ELMO1: variants seen among roughly 807,000 people sequenced by gnomAD.
The protein encoded by ELMO1 is engulfment and cell motility 1, also known as engulfment and cell motility protein 1.
A neutral mutation model predicts 98.9 loss-of-function variants in ELMO1; 26 were observed. The observed-to-expected ratio is 0.26, with a 90% confidence interval of 0.19 to 0.36. ELMO1 has a LOEUF of 0.36. Among genes scored for constraint, ELMO1 ranks in the 10% least tolerant of loss-of-function variants. ELMO1 has a pLI of 1.00. For missense variants in ELMO1, 627 were observed against 935.2 expected (o/e 0.67, Z 4.30); for synonymous variants, 346 against 346.0 (o/e 1.00, Z 0.00).
chr7:37,404,973 T>C (rs1257667460), intron 1 of ELMO1, among the ~76,000 whole-genome samples: 1 of 152,208 alleles, frequency 6.6e-6, no homozygotes, highest in Non-Finnish European at 1.5e-5. Flanking sequence ...GGAGTCCTCA[T>C]TGTAACTATG....
chr7:37,297,899 T>A (rs1798124785), intron 4 of ELMO1, among the ~76,000 whole-genome samples: 1 of 152,218 alleles, frequency 6.6e-6, no homozygotes, highest in Non-Finnish European at 1.5e-5. Flanking sequence ...TGTGTATATT[T>A]TACACACTTG....
chr7:37,065,282 G>A (rs1796896306), intron 15 of ELMO1, among the ~76,000 whole-genome samples: 1 of 151,680 alleles, frequency 6.6e-6, no homozygotes, highest in Non-Finnish European at 1.5e-5. Flanking sequence ...TCAAGTAGCT[G>A]GGATTATAGG....
chr7:36,870,389 A>G lies in ELMO1; in HGVS notation c.1905+4T>C. On this transcript the variant is annotated splice_donor_region_variant and intron_variant, in intron 20 of 21. Transcript: ENST00000310758. This position sits in a 1 kb window ranked among gnomAD's most constrained non-coding sequence, Gnocchi z 4.4. ...AGCTATTTGCAATAATTTGGAAATC[A>G]TACCTTGTTTTGTTTAAGGGCACCT... 1 of 1,614,036 alleles carries G rather than the reference A, an allele frequency of 6.2e-7. No homozygotes were observed. Among genetic ancestry groups the G allele is most frequent in the Non-Finnish European group, 8.5e-7 (1 of 1,179,964 alleles).
intron 4 of ELMO1, among the ~76,000 whole-genome samples, chr7:37,311,644 G>A (rs878927587): frequency 2.6e-5 from 4 of 152,166 alleles, no homozygotes; most frequent in South Asian, 2.1e-4. Context: ...AGGAGTCACC[G>A]TCATCTCCTG....
chr7:37,019,114 C>T (rs996729759), intron 15 of ELMO1, among the ~76,000 whole-genome samples: 1 of 152,170 alleles, frequency 6.6e-6, no homozygotes, highest in African/African-American at 2.4e-5. Flanking sequence ...TGTGTAACAA[C>T]GACAAAGGTC....
intron 2 of ELMO1, among the ~76,000 whole-genome samples, chr7:37,336,686 T>C (rs1336454462): frequency 1.3e-5 from 2 of 152,016 alleles, no homozygotes; most frequent in Non-Finnish European, 2.9e-5. Flanking sequence ...AAGATGAGAA[T>C]GGGCAGCTTT....
intron 4 of ELMO1, among the ~76,000 whole-genome samples, chr7:37,291,382 C>A (rs368036881): frequency 1.1e-4 from 16 of 152,224 alleles, no homozygotes; most frequent in African/African-American, 3.9e-4. Flanking sequence ...TTAAAATGGT[C>A]TTATAAACCT....
intron 16 of ELMO1, among the ~76,000 whole-genome samples, chr7:36,913,143 A>T (rs570823607): frequency 6.6e-6 from 1 of 152,218 alleles, no homozygotes; most frequent in African/African-American, 2.4e-5. Context: ...TGCTATGTTA[A>T]TTACACTGTG....
intron 1 of ELMO1, among the ~76,000 whole-genome samples, chr7:37,395,647 G>A (rs1388851090): frequency 1.3e-5 from 2 of 152,204 alleles, no homozygotes; most frequent in South Asian, 2.1e-4. Flanking sequence ...GATGGAAGAT[G>A]AAAACCCAGG....
intron 13 of ELMO1, among the ~76,000 whole-genome samples, chr7:37,150,700 T>C (rs530902161): frequency 6.6e-6 from 1 of 152,328 alleles, no homozygotes; most frequent in East Asian, 1.9e-4. Context: ...AGCATAATTA[T>C]GTATTTTTTG....
intron 14 of ELMO1, among the ~76,000 whole-genome samples, chr7:37,122,108 G>T (rs1341288045): frequency 1.3e-5 from 2 of 152,092 alleles, no homozygotes; most frequent in East Asian, 3.9e-4. Flanking sequence ...TCACCACAAG[G>T]CCTGCCCTAA....
chr7:37,444,990 A>C (rs1805552520), intron 1 of ELMO1, among the ~76,000 whole-genome samples: 1 of 152,246 alleles, frequency 6.6e-6, no homozygotes, highest in East Asian at 1.9e-4. Flanking sequence ...CAAGTTGGTT[A>C]AAAATGTAGT....
At chr7:37,275,235 C>T (rs909317974) in intron 4 of ELMO1, among the ~76,000 whole-genome samples, 1 of 152,182 alleles carries the variant, frequency 6.6e-6, no homozygotes, top group Non-Finnish European at 1.5e-5. Context: ...GAATGCTCCT[C>T]GGAGTCCCAG....
intron 15 of ELMO1, 50 bp from the exon 16 acceptor site, chr7:37,013,485 C>A: frequency 6.2e-7 from 1 of 1,600,924 alleles, no homozygotes; most frequent in Non-Finnish European, 8.5e-7. Context: ...AACAGTGAAA[C>A]ACGAGAACAT....
intron 4 of ELMO1, among the ~76,000 whole-genome samples, chr7:37,297,504 C>T (rs73110874): frequency 1.3e-3 from 196 of 151,322 alleles, no homozygotes; most frequent in Middle Eastern, 6.8e-3. Context: ...CTAGATGACA[C>T]AATTTCTTTG....
intron 5 of ELMO1, chr7:37,271,463 C>A: frequency 4.9e-6 from 1 of 205,960 alleles, no homozygotes; most frequent in Non-Finnish European, 9.6e-6. Context: ...CTTTTGGCTT[C>A]CCTGGGCCAC....
chr7:37,243,775 A>C (rs774744662), intron 7 of ELMO1, among the ~76,000 whole-genome samples: 6 of 152,184 alleles, frequency 3.9e-5, no homozygotes, highest in Non-Finnish European at 7.4e-5. Flanking sequence ...TTAGAACCAT[A>C]TTTGGACTCA....
intron 1 of ELMO1, among the ~76,000 whole-genome samples, chr7:37,369,656 T>C (rs1802035339): frequency 1.4e-5 from 2 of 142,914 alleles, no homozygotes; most frequent in South Asian, 2.2e-4. Flanking sequence ...AAGCAAGCTA[T>C]ATATAGCCCA....
At chr7:37,341,869 T>C (rs1304006711) in intron 2 of ELMO1, among the ~76,000 whole-genome samples, 1 of 152,196 alleles carries the variant, frequency 6.6e-6, no homozygotes, top group Non-Finnish European at 1.5e-5. Flanking sequence ...TTTTATTCCT[T>C]AAATCATTTG....
Sources: gnomAD v4.1 joint callset for allele counts (sites outside exome capture counted in the v4.1 genomes callset) on GRCh38, gnomAD v4.1.1 for gene constraint, Gnocchi (gnomAD v3.1) non-coding constraint, MANE v1.5 for transcripts, NCBI Gene and HGNC (gene_info 2026-07-23, HGNC 2026-07-21) for gene names.